AOPEP: variants seen among roughly 807,000 people sequenced by gnomAD.
AOPEP encodes aminopeptidase O (putative).
AOPEP carries 77 observed loss-of-function variants against 98.1 expected under a neutral mutation model. The observed-to-expected ratio is 0.78, with a 90% CI of 0.65 to 0.95. The LOEUF (loss-of-function observed/expected upper bound fraction) is 0.95. Among genes scored for constraint, AOPEP ranks in the 40% least tolerant of loss-of-function variants. The probability of loss-of-function intolerance (pLI) is 0.00; values close to 1 mark genes in which losing one functional copy is unlikely to be tolerated. For missense variants in AOPEP, 1,024 were observed against 1,024.7 expected, an observed-to-expected ratio of 1.00 and a Z score of 0.01; for synonymous variants, 346 against 365.3, an observed-to-expected ratio of 0.95 and a Z score of 0.60.
intron 1 of AOPEP, among the ~76,000 whole-genome samples, chr9:94,743,534 G>A (rs1389817620): frequency 6.6e-6 from 1 of 152,214 alleles, no homozygotes; most frequent in East Asian, 1.9e-4. Context: ...ATAAACAAAA[G>A]CAACAACTAG....
chr9:95,100,529 AAT>A, the AOPEP span: 1 of 232,076 alleles, frequency 4.3e-6, no homozygotes, highest in East Asian at 6.1e-5. Flanking sequence ...TGACAAACAG[AAT>A]AGACACAAAA....
rs1371480732 is a variant in AOPEP, at chr9:94,972,887, T to C, written c.1916+5086T>C. Among the ~76,000 whole-genome samples, 3 of 151,650 alleles carry C rather than the reference T, an allele frequency of 2.0e-5. No individual in the cohort carries two copies. Among genetic ancestry groups the C allele is most frequent in the Non-Finnish European group, 4.4e-5 (3 of 67,932 alleles). Reference sequence around the variant, plus strand: ...CCAGGCGTTTGAGGCTGCAATGAGCTGAGATTGCACCACTGCACGCCAGCC... The same window carrying C: ...CCAGGCGTTTGAGGCTGCAATGAGCCGAGATTGCACCACTGCACGCCAGCC... On this transcript the variant is annotated intron_variant, in intron 10 of 16. Transcript: ENST00000375315. The surrounding 1 kb of genome is among the most constrained non-coding windows in gnomAD (Gnocchi z 4.2).
At chr9:94,824,268 C>T (rs1335522842) in intron 5 of AOPEP, 1 of 152,222 alleles carries the variant, frequency 6.6e-6, no homozygotes, top group Non-Finnish European at 1.5e-5. Context: ...TTGCTTCTCT[C>T]TAGTTCTTGC....
the AOPEP span, among the ~76,000 whole-genome samples, chr9:95,098,732 A>G: frequency 6.6e-6 from 1 of 152,230 alleles, no homozygotes; most frequent in African/African-American, 2.4e-5. Context: ...CTTCAGCTTC[A>G]GGGATCAGGG....
intron 13 of AOPEP, chr9:95,048,762 CAG>C (rs768071616): frequency 3.9e-5 from 6 of 152,180 alleles, no homozygotes; most frequent in Non-Finnish European, 5.9e-5. Context: ...CTTTTAAATT[CAG>C]AGTGATTCAA....
intron 5 of AOPEP, among the ~76,000 whole-genome samples, chr9:94,811,787 G>A (rs1203255928): frequency 6.6e-5 from 10 of 152,150 alleles, no homozygotes; most frequent in Non-Finnish European, 1.5e-4. Flanking sequence ...GTGTTGTCTG[G>A]GGAGAACTTC....
chr9:95,134,115 G>A, the AOPEP span, among the ~76,000 whole-genome samples: 34 of 152,302 alleles, frequency 2.2e-4, no homozygotes, highest in African/African-American at 7.2e-4. Flanking sequence ...AGAGCAGCGT[G>A]GCTGTCAGCA....
intron 11 of AOPEP, among the ~76,000 whole-genome samples, chr9:94,989,665 G>A (rs1045371312): frequency 2.0e-5 from 3 of 146,996 alleles, no homozygotes; most frequent in South Asian, 4.3e-4. Flanking sequence ...AGGCTGGAGT[G>A]CAGTGGCGTG....
intron 5 of AOPEP, among the ~76,000 whole-genome samples, chr9:94,897,986 C>G (rs574940327): frequency 6.6e-6 from 1 of 151,914 alleles, no homozygotes; most frequent in Non-Finnish European, 1.5e-5. Flanking sequence ...ATTACAAGCG[C>G]GCACCACCAT....
At chr9:94,830,844 G>A (rs1410009303) in intron 5 of AOPEP, among the ~76,000 whole-genome samples, 1 of 152,158 alleles carries the variant, frequency 6.6e-6, no homozygotes, top group African/African-American at 2.4e-5. Flanking sequence ...CTGCACAGAT[G>A]TCCTCTCTTG....
intron 4 of AOPEP, among the ~76,000 whole-genome samples, chr9:94,799,403 TAAA>T (rs765788408): frequency 4.5e-5 from 6 of 132,882 alleles, no homozygotes; most frequent in African/African-American, 1.7e-4. Context: ...CCCCATCTCT[TAAA>T]AAAAAAAAAA....
chr9:94,994,147 T>C (rs2061072763), intron 11 of AOPEP, among the ~76,000 whole-genome samples: 1 of 152,224 alleles, frequency 6.6e-6, no homozygotes, highest in Non-Finnish European at 1.5e-5. Context: ...TCTACAATTC[T>C]CTCTGGTTAT....
chr9:94,928,581 T>C, intron 7 of AOPEP, 50 bp downstream of exon 7: 1 of 1,314,574 alleles, frequency 7.6e-7, no homozygotes, highest in Non-Finnish European at 1.1e-6. Flanking sequence ...CCTTCTTTCC[T>C]TCAAGACACC....
intron 16 of AOPEP, chr9:95,085,864 C>T (rs1034232228): frequency 1.4e-5 from 16 of 1,174,080 alleles, no homozygotes; most frequent in Admixed American, 1.0e-4. Flanking sequence ...GTGAGCGGGG[C>T]GGGGCGGGGC....
the AOPEP span, among the ~76,000 whole-genome samples, chr9:95,141,215 G>C: frequency 2.5e-3 from 363 of 147,656 alleles, 2 homozygotes; most frequent in Non-Finnish European, 4.4e-3. Flanking sequence ...GGGAGGCTGA[G>C]GTCAAAGAAT....
At chr9:95,038,942 C>T (rs1381380279) in intron 13 of AOPEP, among the ~76,000 whole-genome samples, 1 of 152,098 alleles carries the variant, frequency 6.6e-6, no homozygotes, top group Non-Finnish European at 1.5e-5. Context: ...ACAGATGAGG[C>T]GGGCTTAACA....
intron 11 of AOPEP, among the ~76,000 whole-genome samples, chr9:94,982,564 A>AATTTTTTTTTT (rs1564480333): frequency 7.1e-6 from 1 of 140,094 alleles, no homozygotes; most frequent in African/African-American, 2.9e-5. Context: ...CAAGAGCAAT[A>AATTTTTTTTTT]CTTTTTTTTT....
chr9:94,728,316 G>T (rs1829750494), intron 1 of AOPEP, among the ~76,000 whole-genome samples: 1 of 151,894 alleles, frequency 6.6e-6, no homozygotes, highest in Non-Finnish European at 1.5e-5. Context: ...ACAAGATTGT[G>T]CAGTAAAACC....
At chr9:95,056,423 G>A (rs1206344987) in intron 13 of AOPEP, 1 of 152,374 alleles carries the variant, frequency 6.6e-6, no homozygotes, top group Non-Finnish European at 1.5e-5. Flanking sequence ...CATGGGACAT[G>A]TCCGTGGCAT....
Sources: gnomAD v4.1 joint callset for allele counts (sites outside exome capture counted in the v4.1 genomes callset) on GRCh38, gnomAD v4.1.1 for gene constraint, Gnocchi (gnomAD v3.1) non-coding constraint, MANE v1.5 for transcripts, NCBI Gene and HGNC (gene_info 2026-07-23, HGNC 2026-07-21) for gene names.